THAP12: variants seen among roughly 807,000 people sequenced by gnomAD.
The protein encoded by THAP12 is THAP domain containing 12, also known as 52 kDa repressor of the inhibitor of the protein kinase.
A neutral mutation model predicts 63.0 loss-of-function variants in THAP12; 20 were observed. That is an observed-to-expected ratio of 0.32 (90% CI 0.22 to 0.46). The LOEUF is 0.46. Among genes scored for constraint, THAP12 ranks in the 20% least tolerant of loss-of-function variants. The pLI, the probability that THAP12 is intolerant of heterozygous loss-of-function variation, is 1.00. For synonymous variants in THAP12, 264 were observed against 328.4 expected, an observed-to-expected ratio of 0.80 and a Z score of 2.12; for missense variants, 568 against 908.2, an observed-to-expected ratio of 0.63 and a Z score of 4.81.
In THAP12 at chr11:76,351,347, A is replaced by G; in HGVS notation, c.1803T>C (p.Ala601=). The change falls in exon 5 of 5, where the codon GCT becomes GCC. Residue 601 remains alanine, a synonymous_variant. Transcript: ENST00000260045. ...KDIFSEQHLK[A]LKCLSLVPSV... ...AGGGTACCAGAGATAAGCATTTAAGAGCTTTGAGGTGCTGTTCTGAGAATA... is the reference window on the plus strand; with the variant it reads ...AGGGTACCAGAGATAAGCATTTAAGGGCTTTGAGGTGCTGTTCTGAGAATA... 1.3e-6 allele frequency: 2 copies of G among 1,594,416 alleles called. No homozygotes were observed. The highest frequency in any genetic ancestry group is 4.5e-5 in the East Asian group (2 of 44,486).
intron 3 of THAP12, chr11:76,356,543 T>A (rs1054624809): frequency 2.0e-5 from 3 of 152,180 alleles, no homozygotes; most frequent in Non-Finnish European, 4.4e-5. Context: ...ATATTACACT[T>A]CATATCTATG....
chr11:76,357,164 T>C (rs1438188442), intron 3 of THAP12: 4 of 152,162 alleles, frequency 2.6e-5, no homozygotes, highest in Non-Finnish European at 5.9e-5. Flanking sequence ...TTGTATTAGG[T>C]ATTATAAATG....
At chr11:76,376,615 G>GTTTTTTTTT (rs375196452) in intron 1 of THAP12, among the ~76,000 whole-genome samples, 10 of 127,770 alleles carry the variant, frequency 7.8e-5, no homozygotes, top group South Asian at 2.7e-4. Flanking sequence ...TTGTGTCTAT[G>GTTTTTTTTT]TTTTTTTTGT....
intron 1 of THAP12, among the ~76,000 whole-genome samples, chr11:76,367,164 C>T (rs192859643): frequency 1.3e-5 from 2 of 151,946 alleles, no homozygotes; most frequent in East Asian, 3.9e-4. Context: ...GCAACCTCTG[C>T]TTCCCGGGTT....
rs1309492407 is a variant in THAP12 at position 76,360,879 on chromosome 11, T to C, written c.318+77A>G. 4.0e-5 allele frequency: 40 copies of C among 997,940 alleles called. No individual in the cohort carries two copies. In the East Asian group the frequency reaches 9.5e-4, roughly 24 times the overall value. The allele number at this position is 997,940 out of a possible 1,614,324, so 61.8% of individuals were successfully genotyped here. On this transcript the variant is annotated intron_variant, in intron 3 of 4. Transcript: ENST00000260045. ...GAAATAGAGAGTAATTTGGATTAAT[T>C]TTAACATAAATGCATCTGTATTTGA...
intron 1 of THAP12, among the ~76,000 whole-genome samples, chr11:76,372,100 C>G (rs1405772679): frequency 1.3e-5 from 2 of 150,268 alleles, no homozygotes; most frequent in African/African-American, 4.9e-5. Flanking sequence ...CGTGAGCCAT[C>G]GTGCCTGGCC....
chr11:76,355,684 C>G, intron 3 of THAP12, 30 bp from the exon 4 acceptor site: 2 of 1,553,136 alleles, frequency 1.3e-6, no homozygotes, highest in Non-Finnish European at 8.7e-7. Flanking sequence ...AAGAAAAAAA[C>G]AAATCATCTT....
chr11:76,376,467 G>C (rs11603888), intron 1 of THAP12, among the ~76,000 whole-genome samples: 1 of 152,150 alleles, frequency 6.6e-6, no homozygotes, highest in Non-Finnish European at 1.5e-5. Context: ...CAGCCAAAGC[G>C]TCCAGAATCA....
intron 1 of THAP12, among the ~76,000 whole-genome samples, chr11:76,371,393 G>A (rs1276753964): frequency 1.3e-5 from 2 of 152,140 alleles, no homozygotes; most frequent in African/African-American, 4.8e-5. Context: ...TAGCGCAAAT[G>A]TCATTTCTTG....
intron 2 of THAP12, among the ~76,000 whole-genome samples, chr11:76,362,412 T>C (rs753802114): frequency 1.3e-5 from 2 of 152,084 alleles, no homozygotes; most frequent in Non-Finnish European, 2.9e-5. Context: ...ACCCAAAGAG[T>C]TGTTAAACAC....
intron 1 of THAP12, among the ~76,000 whole-genome samples, chr11:76,369,691 C>A (rs181246053): frequency 5.2e-5 from 8 of 152,388 alleles, no homozygotes; most frequent in African/African-American, 1.7e-4. Context: ...ATATGCCAGG[C>A]AGAGGCTGCC....
chr11:76,365,844 T>C lies in THAP12; in HGVS notation c.210+8A>G, dbSNP rs1946627427. The C allele has an allele frequency of 6.2e-7, 1 of 1,610,202 alleles. No homozygotes were observed. The highest frequency in any genetic ancestry group is 1.3e-5 in the African/African-American group (1 of 74,892). On this transcript the variant is annotated splice_region_variant and intron_variant, in intron 2 of 4. Transcript: ENST00000260045. Reference sequence around the variant, plus strand: ...AACAGAGAGACACCAAGCTCTTCTATTACTCACAGTTCTACAGATCATAGA... The same window carrying C: ...AACAGAGAGACACCAAGCTCTTCTACTACTCACAGTTCTACAGATCATAGA...
chr11:76,377,892 A>G (rs1946722603), intron 1 of THAP12, among the ~76,000 whole-genome samples: 1 of 152,234 alleles, frequency 6.6e-6, no homozygotes, highest in South Asian at 2.1e-4. Flanking sequence ...TTCTGTTTAA[A>G]GAAAGAAGTC....
intron 1 of THAP12, among the ~76,000 whole-genome samples, chr11:76,366,990 T>C (rs1229621297): frequency 6.6e-6 from 1 of 152,170 alleles, no homozygotes; most frequent in Non-Finnish European, 1.5e-5. Flanking sequence ...ATGGGTACTA[T>C]TAATATCCCC....
intron 2 of THAP12, among the ~76,000 whole-genome samples, chr11:76,362,928 A>T (rs1946607111): frequency 6.6e-6 from 1 of 152,168 alleles, no homozygotes; most frequent in African/African-American, 2.4e-5. Context: ...AGACGGCTTG[A>T]CCCCAGGAGT....
chr11:76,370,050 G>C (rs73002554), intron 1 of THAP12, among the ~76,000 whole-genome samples: 3,694 of 152,310 alleles, frequency 0.024, 61 homozygotes, highest in Non-Finnish European at 0.032. Flanking sequence ...CATTTGGGGA[G>C]GGTAACAACT....
At chr11:76,359,352 T>G (rs1946582585) in intron 3 of THAP12, 1 of 152,186 alleles carries the variant, frequency 6.6e-6, no homozygotes, top group South Asian at 2.1e-4. Context: ...TCTTCATGGA[T>G]AGAACTAGTT....
intron 3 of THAP12, 100 bp downstream of exon 3, chr11:76,360,856 A>T: frequency 1.3e-6 from 1 of 790,352 alleles, no homozygotes; most frequent in Non-Finnish European, 2.1e-6. Context: ...TTACCTCTGA[A>T]ATAGAGAGTA....
At chr11:76,352,845 C>A (rs778192194) in intron 4 of THAP12, 51 bp from the exon 5 acceptor site, 9 of 1,487,384 alleles carry the variant, frequency 6.1e-6, no homozygotes, top group Admixed American at 5.0e-5. Flanking sequence ...AAACCATACA[C>A]AACAAAAAAT....
Sources: gnomAD v4.1 joint callset for allele counts (sites outside exome capture counted in the v4.1 genomes callset) on GRCh38, gnomAD v4.1.1 for gene constraint, MANE v1.5 for transcripts, NCBI Gene and HGNC (gene_info 2026-07-23, HGNC 2026-07-21) for gene names.